The following ZNRF3 variants were observed in gnomAD, a reference collection of about 807,000 sequenced individuals.
ZNRF3 encodes zinc and ring finger 3.
A neutral mutation model predicts 72.5 loss-of-function variants in ZNRF3; 23 were observed. That is an observed-to-expected ratio of 0.32 (90% CI 0.23 to 0.45). ZNRF3 has a LOEUF of 0.45. ZNRF3 is among the 20% of genes least tolerant of loss of function. ZNRF3 has a pLI of 1.00. For synonymous variants in ZNRF3, 610 were observed against 545.3 expected (o/e 1.12, Z -1.65); for missense variants, 1,169 against 1,272.1 (o/e 0.92, Z 1.23).
chr22:29,031,900 G>A (rs909741227), intron 2 of ZNRF3, among the ~76,000 whole-genome samples: 1 of 152,236 alleles, frequency 6.6e-6, no homozygotes, highest in Non-Finnish European at 1.5e-5. Flanking sequence ...CCAGGCTCCG[G>A]CTTTAGATGG....
chr22:28,967,243 C>T (rs1404423423), intron 1 of ZNRF3, among the ~76,000 whole-genome samples: 1 of 152,114 alleles, frequency 6.6e-6, no homozygotes, highest in East Asian at 1.9e-4. Flanking sequence ...TGTTTAAATA[C>T]ACAGATATTT....
chr22:28,910,710 A>T (rs1684087809), intron 1 of ZNRF3, among the ~76,000 whole-genome samples: 1 of 152,214 alleles, frequency 6.6e-6, no homozygotes, highest in African/African-American at 2.4e-5. Flanking sequence ...TGAGATGGTG[A>T]CAGTATAACA....
intron 1 of ZNRF3, among the ~76,000 whole-genome samples, chr22:28,896,732 T>C (rs1397141843): frequency 6.6e-6 from 1 of 152,204 alleles, no homozygotes; most frequent in Non-Finnish European, 1.5e-5. Flanking sequence ...AGACAGCTAA[T>C]GGCATGTAAA....
rs2036502320 is a variant in ZNRF3 at position 29,020,016 on chromosome 22, A to T, written c.427-22479A>T. The stretch of plus-strand genomic sequence containing the variant: ...AAATTGGTTGCAAGACCTCCCCCCC[A>T]ATCCCCCCATGGATACCAAAAGCCA... On this transcript the variant is annotated intron_variant, in intron 2 of 8. Transcript: ENST00000544604. Among the ~76,000 whole-genome samples the T allele has an allele frequency of 2.1e-5, 3 of 143,496 alleles. No homozygotes were observed. The South Asian group carries it at 6.6e-4, about 32-fold the overall frequency. The allele number at this position is 143,496 out of a possible 152,430, so 94.1% of individuals were successfully genotyped here.
chr22:29,040,644 G>A (rs2036945406), intron 2 of ZNRF3, among the ~76,000 whole-genome samples: 1 of 152,158 alleles, frequency 6.6e-6, no homozygotes, highest in Admixed American at 6.5e-5. Context: ...TGATGAAACA[G>A]GGTGTGGTGG....
chr22:28,997,287 C>T (rs1033463286), intron 2 of ZNRF3, among the ~76,000 whole-genome samples: 7 of 151,996 alleles, frequency 4.6e-5, no homozygotes, highest in South Asian at 2.1e-4. Context: ...TTGGGACTGA[C>T]GGTATCGTAC....
At chr22:29,007,233 G>A (rs185261378) in intron 2 of ZNRF3, among the ~76,000 whole-genome samples, 1 of 152,280 alleles carries the variant, frequency 6.6e-6, no homozygotes, top group East Asian at 1.9e-4. Context: ...GTGGTTTTGG[G>A]ATTACTTTGA....
chr22:28,994,040 C>T (rs1486876335), intron 2 of ZNRF3, among the ~76,000 whole-genome samples: 1 of 152,068 alleles, frequency 6.6e-6, no homozygotes, highest in Admixed American at 6.6e-5. Flanking sequence ...ATGGGAATAG[C>T]CCCTAAAGGA....
intron 4 of ZNRF3, among the ~76,000 whole-genome samples, chr22:29,044,397 T>C (rs2123882574): frequency 1.3e-5 from 2 of 152,356 alleles, no homozygotes; most frequent in Middle Eastern, 6.8e-3. Context: ...AATTATACGG[T>C]TAGTAATCAC....
chr22:29,000,795 G>A (rs748544932), intron 2 of ZNRF3, among the ~76,000 whole-genome samples: 7 of 152,034 alleles, frequency 4.6e-5, no homozygotes, highest in Non-Finnish European at 5.9e-5. Flanking sequence ...TGTATCACAC[G>A]GCGAGAGTGG....
chr22:29,018,322 G>A, intron 2 of ZNRF3: 1 of 215,238 alleles, frequency 4.6e-6, no homozygotes, highest in Non-Finnish European at 9.7e-6. Context: ...GGAAGGGGAA[G>A]GGGTAGTGAG....
At chr22:28,993,706 A>G (rs913015249) in intron 2 of ZNRF3, among the ~76,000 whole-genome samples, 1 of 152,202 alleles carries the variant, frequency 6.6e-6, no homozygotes, top group African/African-American at 2.4e-5. Flanking sequence ...TTTCTGAGAC[A>G]GGGTCTTGCT....
chr22:28,884,043 A>C lies in ZNRF3; in HGVS notation c.277A>C (p.Ser93Arg). Residue 93 changes from serine (S) to arginine (R), a missense_variant, in exon 1 of 9, where the codon AGC becomes CGC. By Grantham distance (110) the Ser-to-Arg change is moderately radical. Coordinates refer to ENST00000544604, the MANE Select transcript of ZNRF3 (RefSeq NM_001206998.2). Reference protein sequence around the residue: ...GRFSRAGATLSAEGEIVQMHP... With the variant: ...GRFSRAGATLRAEGEIVQMHP... ...CTTCTCGCGGGCCGGGGCCACGCTC[A>C]GCGCCGAGGGCGAGATCGTGCAGGT... The C allele has an allele frequency of 1.6e-6, 2 of 1,263,238 alleles. No homozygotes were observed. Among genetic ancestry groups the C allele is most frequent in the East Asian group, 5.7e-5 (1 of 17,504 alleles). The allele number at this position is 1,263,238 out of a possible 1,614,324, so 78.3% of individuals were successfully genotyped here.
At chr22:28,994,185 T>TTTTTTTTTTTTTC (rs1438131923) in intron 2 of ZNRF3, among the ~76,000 whole-genome samples, 2,125 of 98,714 alleles carry the variant, frequency 0.022, 134 homozygotes, top group East Asian at 0.034. Flanking sequence ...TCTTTTTTTT[T>TTTTTTTTTTTTTC]TTTTTTTTTT....
intron 1 of ZNRF3, among the ~76,000 whole-genome samples, chr22:28,906,833 C>T (rs1049201558): frequency 3.3e-5 from 5 of 152,150 alleles, no homozygotes; most frequent in Non-Finnish European, 1.5e-5. Flanking sequence ...GCTTACCCTG[C>T]GCTGGCAGAG....
chr22:28,962,910 G>A (rs960904520), intron 1 of ZNRF3, among the ~76,000 whole-genome samples: 7 of 152,152 alleles, frequency 4.6e-5, no homozygotes, highest in African/African-American at 1.7e-4. Context: ...GCCGTTTTAT[G>A]CACAGTGGCT....
intron 1 of ZNRF3, among the ~76,000 whole-genome samples, chr22:28,950,170 A>G (rs1345641272): frequency 6.6e-6 from 1 of 152,238 alleles, no homozygotes; most frequent in African/African-American, 2.4e-5. Flanking sequence ...TGCAAATGTC[A>G]GCAGACTGTA....
chr22:28,910,126 C>T (rs1405127087), intron 1 of ZNRF3, among the ~76,000 whole-genome samples: 1 of 151,866 alleles, frequency 6.6e-6, no homozygotes, highest in African/African-American at 2.4e-5. Context: ...ACCTCTGCCT[C>T]CTGGGTTCAA....
chr22:29,028,842 CA>C (rs1426122593), intron 2 of ZNRF3, among the ~76,000 whole-genome samples: 2 of 152,202 alleles, frequency 1.3e-5, no homozygotes, highest in African/African-American at 4.8e-5. Flanking sequence ...TATGACCAAG[CA>C]GGGGGGCCGT....
Sources: allele counts gnomAD v4.1 joint callset (sites outside exome capture counted in the v4.1 genomes callset), GRCh38; gene constraint gnomAD v4.1.1; transcripts MANE v1.5; gene names NCBI Gene and HGNC (gene_info 2026-07-23, HGNC 2026-07-21).